SEMA6A: variants seen among roughly 807,000 people sequenced by gnomAD.
SEMA6A encodes semaphorin 6A, also known as semaphorin-6A.
A neutral mutation model predicts 96.8 loss-of-function variants in SEMA6A; 25 were observed. The ratio of observed to expected loss-of-function variants is 0.26; its 90% CI spans 0.19 to 0.36. SEMA6A has a LOEUF of 0.36. Ranked by LOEUF, SEMA6A falls within the 10% of genes least tolerant of loss-of-function variation. The probability of loss-of-function intolerance (pLI) is 1.00; values close to 1 mark genes in which losing one functional copy is unlikely to be tolerated. For missense variants in SEMA6A, 1,363 were observed against 1,323.1 expected, an observed-to-expected ratio of 1.03 and a Z score of -0.47; for synonymous variants, 612 against 518.0, an observed-to-expected ratio of 1.18 and a Z score of -2.46.
chr5:116,501,163 G>A (rs1757859486), intron 3 of SEMA6A, among the ~76,000 whole-genome samples: 1 of 152,196 alleles, frequency 6.6e-6, no homozygotes, highest in South Asian at 2.1e-4. Flanking sequence ...CCAAAATGGA[G>A]GATCATATAT....
chr5:116,462,288 G>C (rs764992985), intron 18 of SEMA6A, among the ~76,000 whole-genome samples: 10 of 152,192 alleles, frequency 6.6e-5, no homozygotes, highest in Admixed American at 1.3e-4. Flanking sequence ...TTGGAACTTA[G>C]AATAGGTAAA....
At position 116,472,181 on chromosome 5, in the gene SEMA6A, C is replaced by G. The variant is rs527388559; in HGVS notation, c.1729+892G>C. On this transcript the variant is annotated intron_variant, in intron 17 of 18. Coordinates refer to ENST00000343348, the MANE Select transcript of SEMA6A (RefSeq NM_020796.5). ...ACCTTGAGAAATGTAAATGGAACAGCTCCATTTCAACTTCTCATATAAAGA... is the reference window on the plus strand; with the variant it reads ...ACCTTGAGAAATGTAAATGGAACAGGTCCATTTCAACTTCTCATATAAAGA... 4 of 152,218 alleles carry G rather than the reference C, an allele frequency of 2.6e-5. No individual in the cohort carries two copies. In the South Asian group the frequency reaches 8.3e-4, roughly 32 times the overall value. The allele number at this position is 152,218 out of a possible 1,614,324, so 9.4% of individuals were successfully genotyped here. A position where few individuals can be genotyped will look rare whatever the true frequency, so the allele number is the denominator to read the frequency against.
At chr5:116,497,895 C>T (rs1029655660) in intron 3 of SEMA6A, among the ~76,000 whole-genome samples, 8 of 152,150 alleles carry the variant, frequency 5.3e-5, no homozygotes, top group South Asian at 2.1e-4. Flanking sequence ...GGATGGATGA[C>T]GACAAAGGTA....
At chr5:116,482,712 A>T (rs1756846955) in intron 10 of SEMA6A, 137 bp from the exon 11 acceptor site, 2 of 747,638 alleles carry the variant, frequency 2.7e-6, no homozygotes, top group African/African-American at 1.8e-5. Flanking sequence ...AATATAAGGG[A>T]TCTTAGTACA....
At position 116,447,012 on chromosome 5, in the gene SEMA6A, G is replaced by A. The variant is rs749844219; in HGVS notation, c.2694C>T (p.Thr898=). 27 of 1,613,776 alleles carry A rather than the reference G, an allele frequency of 1.7e-5. No homozygotes were observed. Among genetic ancestry groups the A allele is most frequent in the Admixed American group, 3.3e-5 (2 of 60,000 alleles). ...GCATTTCCAGCCGCTTGCTTAGACC[G>A]GTCTGAGACAGGGAGGCTCCCGGGG... is the stretch of plus-strand genomic sequence containing the variant. ...LGPPGASLSQ[T]GLSKRLEMHH... is the part of the protein sequence containing the mutation. Residue 898 remains threonine, a synonymous_variant, in exon 19 of 19, where the codon ACC becomes ACT. Transcript: ENST00000343348.
rs918227170 is a variant in SEMA6A at position 116,443,993 on chromosome 5, C to A, written c.*2620G>T. On this transcript the variant is annotated 3_prime_UTR_variant, in exon 19 of 19. Coordinates refer to ENST00000343348, the MANE Select transcript of SEMA6A (RefSeq NM_020796.5). ...CTCCTTAACAGCTGAGGCAGTGATGCCTACAAACACTGGACAAGACAGCCG... is the reference window on the plus strand; with the variant it reads ...CTCCTTAACAGCTGAGGCAGTGATGACTACAAACACTGGACAAGACAGCCG... 6.6e-6 allele frequency: 1 copy of A among 152,108 alleles called. No homozygotes were observed. Among genetic ancestry groups the A allele is most frequent in the African/African-American group, 2.4e-5 (1 of 41,404 alleles). The allele number at this position is 152,108 out of a possible 1,614,324, so 9.4% of individuals were successfully genotyped here.
intron 1 of SEMA6A, among the ~76,000 whole-genome samples, chr5:116,528,613 C>T (rs762227676): frequency 6.6e-6 from 1 of 152,220 alleles, no homozygotes; most frequent in Non-Finnish European, 1.5e-5. Flanking sequence ...TCCTATCTTC[C>T]TGTCTGAAAA....
At chr5:116,479,234 A>T (rs1466236042) in intron 12 of SEMA6A, among the ~76,000 whole-genome samples, 1 of 152,164 alleles carries the variant, frequency 6.6e-6, no homozygotes, top group Non-Finnish European at 1.5e-5. Context: ...TAAAAACTGT[A>T]AGGACCTGCA....
intron 1 of SEMA6A, among the ~76,000 whole-genome samples, chr5:116,560,986 T>A (rs951602772): frequency 1.3e-5 from 2 of 152,168 alleles, no homozygotes; most frequent in East Asian, 1.9e-4. Flanking sequence ...ATTTTAATAT[T>A]TTTTTAATTT....
intron 1 of SEMA6A, among the ~76,000 whole-genome samples, chr5:116,516,540 T>A (rs933825829): frequency 2.0e-5 from 3 of 152,204 alleles, no homozygotes; most frequent in Non-Finnish European, 4.4e-5. Flanking sequence ...GCTCATTTAC[T>A]TTTATGTAAA....
At chr5:116,552,279 AGTT>A (rs1197530278) in intron 1 of SEMA6A, among the ~76,000 whole-genome samples, 1 of 152,178 alleles carries the variant, frequency 6.6e-6, no homozygotes, top group East Asian at 1.9e-4. Context: ...TAGCGTGTTA[AGTT>A]GAAAATTACA....
intron 1 of SEMA6A, among the ~76,000 whole-genome samples, chr5:116,509,633 T>G (rs1157819300): frequency 6.7e-6 from 1 of 150,228 alleles, no homozygotes; most frequent in African/African-American, 2.5e-5. Context: ...AGCATGCGAT[T>G]AGGAAGGATG....
intron 1 of SEMA6A, among the ~76,000 whole-genome samples, chr5:116,507,509 A>G (rs767811796): frequency 2.0e-5 from 3 of 152,234 alleles, no homozygotes; most frequent in Non-Finnish European, 4.4e-5. Context: ...AACAAAAACC[A>G]GAACTTAACA....
At chr5:116,490,404 A>G (rs941975917) in intron 7 of SEMA6A, among the ~76,000 whole-genome samples, 9 of 152,086 alleles carry the variant, frequency 5.9e-5, no homozygotes, top group African/African-American at 2.2e-4. Context: ...TCCTGGCCCT[A>G]CAGTTAAATT....
rs758779964 is a variant in SEMA6A at position 116,488,894 on chromosome 5, A to G, written c.649T>C (p.Leu217=). The change falls in exon 8 of 19, where the codon TTG becomes CTG. Residue 217 remains leucine (L), a synonymous_variant. Transcript: ENST00000343348. The stretch of plus-strand genomic sequence containing the variant: ...CTTTTAATTGTTTGTTCACCTTTCA[A>G]CCATTTTGAATCGTGCTTGACGGTC... ...LRTVKHDSKW[L]KEPYFVQAVD... is the part of the protein sequence containing the mutation. 20 of 1,570,028 alleles carry G rather than the reference A, an allele frequency of 1.3e-5. No homozygotes were observed. Among genetic ancestry groups the G allele is most frequent in the African/African-American group, 1.2e-4 (9 of 74,054 alleles).
At chr5:116,567,843 T>TAA (rs1761075134) in intron 1 of SEMA6A, among the ~76,000 whole-genome samples, 1 of 152,228 alleles carries the variant, frequency 6.6e-6, no homozygotes, top group Non-Finnish European at 1.5e-5. Flanking sequence ...TATTAATCGT[T>TAA]ACACTGATTT....
chr5:116,523,697 A>G (rs1355977650), intron 1 of SEMA6A, among the ~76,000 whole-genome samples: 1 of 152,162 alleles, frequency 6.6e-6, no homozygotes, highest in Admixed American at 6.5e-5. Context: ...GCACATTGGA[A>G]TCACCTAGAG....
chr5:116,541,840 A>C (rs1759979012), intron 1 of SEMA6A, among the ~76,000 whole-genome samples: 7 of 152,134 alleles, frequency 4.6e-5, no homozygotes, highest in Admixed American at 4.6e-4. Context: ...CTCAAAACAA[A>C]CAAACAAACA....
intron 12 of SEMA6A, among the ~76,000 whole-genome samples, chr5:116,479,108 A>G (rs1756621420): frequency 6.6e-6 from 1 of 152,220 alleles, no homozygotes; most frequent in Admixed American, 6.5e-5. Flanking sequence ...TAACATTGAA[A>G]AGCAATGACT....
Sources: gnomAD v4.1 joint callset for allele counts (sites outside exome capture counted in the v4.1 genomes callset) on GRCh38, gnomAD v4.1.1 for gene constraint, MANE v1.5 for transcripts, NCBI Gene and HGNC (gene_info 2026-07-23, HGNC 2026-07-21) for gene names.